The following ESRRB variants were observed in gnomAD, a reference collection of about 807,000 sequenced individuals.
ESRRB encodes estrogen related receptor beta.
In ESRRB, 16 loss-of-function variants were observed where a neutral mutation model predicts 46.0. The observed-to-expected ratio is 0.35, with a 90% CI of 0.24 to 0.53. ESRRB has a LOEUF of 0.53. ESRRB is among the 20% of genes least tolerant of loss of function. The probability of loss-of-function intolerance (pLI) is 0.93; values close to 1 mark genes in which losing one functional copy is unlikely to be tolerated. For missense variants in ESRRB, 488 were observed against 607.4 expected (o/e 0.80, Z 2.07); for synonymous variants, 246 against 259.6 (o/e 0.95, Z 0.50).
At chr14:76,456,038 G>GCACACACACA (rs60824171) in intron 2 of ESRRB, among the ~76,000 whole-genome samples, 2,592 of 137,210 alleles carry the variant, frequency 0.019, 74 homozygotes, top group African/African-American at 0.06. Flanking sequence ...AGCGAAACTC[G>GCACACACACA]CACACACACA....
At chr14:76,481,920 T>TC in intron 3 of ESRRB, 96 bp from the exon 4 acceptor site, 2 of 1,098,086 alleles carry the variant, frequency 1.8e-6, no homozygotes, top group Non-Finnish European at 2.6e-6. Context: ...AGCAAGGCCC[T>TC]GAAGGACCCA....
At chr14:76,400,731 C>G (rs1328986183) in intron 1 of ESRRB, among the ~76,000 whole-genome samples, 1 of 152,116 alleles carries the variant, frequency 6.6e-6, no homozygotes, top group African/African-American at 2.4e-5. Context: ...CTGTAGGGAA[C>G]CTGGGGACAG....
chr14:76,361,020 T>C (rs1884456306), intron 1 of ESRRB, among the ~76,000 whole-genome samples: 3 of 152,222 alleles, frequency 2.0e-5, no homozygotes, highest in Non-Finnish European at 2.9e-5. Context: ...ACCTAACACA[T>C]GGCTTCCACC....
Position 76,491,494 on chromosome 14 carries a change from G to A in ESRRB, c.898G>A (p.Ala300Thr). The change falls in exon 6 of 7, where the codon GCC becomes ACC. Residue 300 changes from alanine (A) to threonine (T), a missense_variant. Transcript: ENST00000644823. ...GGACCAGATGAGCCTGCTGCAGAGT[G>A]CCTGGATGGAAATCCTCATCCTGGG... ...LGDQMSLLQS[A>T]WMEILILGIV... is the part of the protein sequence containing the mutation. The A allele has an allele frequency of 6.2e-7, 1 of 1,605,558 alleles. No homozygotes were observed. Among genetic ancestry groups the A allele is most frequent in the Non-Finnish European group, 8.5e-7 (1 of 1,176,494 alleles).
chr14:76,407,613 C>G (rs1886246253), intron 1 of ESRRB: 1 of 985,650 alleles, frequency 1.0e-6, no homozygotes, highest in Admixed American at 6.1e-5. Flanking sequence ...TGGGTCCAGT[C>G]GGGCCAGCAG....
chr14:76,353,869 C>T (rs781050937), intron 1 of ESRRB, among the ~76,000 whole-genome samples: 2 of 151,942 alleles, frequency 1.3e-5, no homozygotes, highest in Admixed American at 1.3e-4. Context: ...GAGGCTGAAC[C>T]CGGAGGATCA....
intron 1 of ESRRB, among the ~76,000 whole-genome samples, chr14:76,345,723 T>C (rs1884241973): frequency 6.6e-6 from 1 of 152,198 alleles, no homozygotes; most frequent in Non-Finnish European, 1.5e-5. Context: ...TGTTGTGCTT[T>C]TCAACACTTG....
Position 76,500,143 on chromosome 14 carries a change from C to T in ESRRB, c.*1685C>T. The T allele has an allele frequency of 7.7e-7, 1 of 1,303,374 alleles. No homozygotes were observed. Among genetic ancestry groups the T allele is most frequent in the Admixed American group, 2.1e-5 (1 of 47,052 alleles). The allele number at this position is 1,303,374 out of a possible 1,614,324, so 80.7% of individuals were successfully genotyped here. On this transcript the variant is annotated 3_prime_UTR_variant, in exon 7 of 7. Transcript: ENST00000644823. ...TACCCCAGGAACCTCCCGGCCTGGG[C>T]TTCTGGGCTGGGACGTGCTGAGGTC...
At position 76,460,687 on chromosome 14, in the gene ESRRB, T is replaced by C. The variant is rs530455082; in HGVS notation, c.461-1858T>C. Among the ~76,000 whole-genome samples, 5 of 150,924 alleles carry C rather than the reference T, an allele frequency of 3.3e-5. No homozygotes were observed. In the South Asian group the frequency reaches 8.3e-4, roughly 25 times the overall value. ...AAAACAGTACTGTGATGTGCTGTTC[T>C]TCATTTGTACGTTCCAGTTACATTT... is the stretch of plus-strand genomic sequence containing the variant. On this transcript the variant is annotated intron_variant, in intron 2 of 6. Coordinates refer to ENST00000644823, the MANE Select transcript of ESRRB (RefSeq NM_001379180.1).
intron 1 of ESRRB, among the ~76,000 whole-genome samples, chr14:76,335,916 AC>A (rs1385477589): frequency 6.6e-6 from 1 of 152,196 alleles, no homozygotes; most frequent in Non-Finnish European, 1.5e-5. Flanking sequence ...AATTGTCACA[AC>A]AACCCCAGAA....
rs747627410 is a variant in ESRRB, at chr14:76,445,466, CAA to C, written c.460+5734_460+5735del. 2.4e-3 allele frequency among the ~76,000 whole-genome samples: 194 copies of C among 79,790 alleles called. 1 individual carries two copies. The highest frequency in any genetic ancestry group is 6.8e-3 in the African/African-American group (181 of 26,454). 52.3% of individuals were successfully genotyped at this position (79,790 alleles called of 152,430 possible). On this transcript the variant is annotated intron_variant, in intron 2 of 6. Transcript: ENST00000644823. ...GGGCAACAAAAGCAAAACTCCGTCTCAAAAAAAAAAAAAAAAAAAGAAAGAAA... is the reference window on the plus strand; with the variant it reads ...GGGCAACAAAAGCAAAACTCCGTCTCAAAAAAAAAAAAAAAAAGAAAGAAA...
chr14:76,367,752 G>A (rs940971184), upstream of ESRRB, among the ~76,000 whole-genome samples: 6 of 152,046 alleles, frequency 3.9e-5, no homozygotes, highest in East Asian at 7.7e-4. Context: ...TAAGAAGGCA[G>A]TCCAGGGAAC....
rs146155887 is a variant in ESRRB, at chr14:76,321,987, A to G, written c.2+11071A>G. On this transcript the variant is annotated intron_variant, in intron 1 of 6. Coordinates refer to the ESRRB transcript ENST00000512784. ...GGCCACCCAGGCAGCAAATAGTACCATAGAATGTCACCTTCTACAATAGGC... is the reference window on the plus strand; with the variant it reads ...GGCCACCCAGGCAGCAAATAGTACCGTAGAATGTCACCTTCTACAATAGGC... Among the ~76,000 whole-genome samples the G allele has an allele frequency of 1.1e-4, 17 of 152,340 alleles. 1 individual carries two copies. In the East Asian group the frequency reaches 1.9e-3, roughly 17 times the overall value.
At chr14:76,454,611 C>T (rs1888526573) in intron 2 of ESRRB, among the ~76,000 whole-genome samples, 1 of 152,070 alleles carries the variant, frequency 6.6e-6, no homozygotes. Context: ...CCATGAGATC[C>T]ATGAACTATT....
intron 1 of ESRRB, among the ~76,000 whole-genome samples, chr14:76,406,359 A>G (rs1183341385): frequency 2.6e-5 from 4 of 152,116 alleles, no homozygotes; most frequent in African/African-American, 9.7e-5. Context: ...TTTAATCCCC[A>G]TTGCCTGGGG....
chr14:76,336,896 C>G (rs569765140), intron 1 of ESRRB, among the ~76,000 whole-genome samples: 18 of 152,230 alleles, frequency 1.2e-4, no homozygotes, highest in African/African-American at 3.9e-4. Flanking sequence ...ATCGTGAACA[C>G]ATTTAGTGTA....
intron 1 of ESRRB, among the ~76,000 whole-genome samples, chr14:76,384,396 AC>A (rs992112758): frequency 1.7e-4 from 26 of 152,318 alleles, no homozygotes; most frequent in African/African-American, 6.3e-4. Flanking sequence ...GATGAGGGTG[AC>A]CGTTTCTTGC....
chr14:76,421,552 A>AG (rs1886955189), intron 1 of ESRRB, among the ~76,000 whole-genome samples: 1 of 152,234 alleles, frequency 6.6e-6, no homozygotes, highest in Admixed American at 6.5e-5. Context: ...TGTTTACTCC[A>AG]TGTACCCTTA....
chr14:76,466,576 T>C (rs1889119808), intron 3 of ESRRB, among the ~76,000 whole-genome samples: 1 of 152,150 alleles, frequency 6.6e-6, no homozygotes, highest in South Asian at 2.1e-4. Context: ...CCTATCTTGC[T>C]TTAAGCAAAT....
Sources: allele counts gnomAD v4.1 joint callset (sites outside exome capture counted in the v4.1 genomes callset), GRCh38; gene constraint gnomAD v4.1.1; transcripts MANE v1.5; gene names NCBI Gene and HGNC (gene_info 2026-07-23, HGNC 2026-07-21).